Variants in TM9SF2 observed in about 807,000 individuals in gnomAD.
TM9SF2 encodes the protein 76 kDa membrane protein.
In TM9SF2, 13 loss-of-function variants were observed where a neutral mutation model predicts 84.9. The ratio of observed to expected loss-of-function variants is 0.15; its 90% confidence interval spans 0.10 to 0.24. TM9SF2 has a LOEUF of 0.24. Among genes scored for constraint, TM9SF2 ranks in the 10% least tolerant of loss-of-function variants. TM9SF2 has a pLI of 1.00. For synonymous variants in TM9SF2, 273 were observed against 285.8 expected, an observed-to-expected ratio of 0.96 and a Z score of 0.45; for missense variants, 562 against 818.5, an observed-to-expected ratio of 0.69 and a Z score of 3.82.
intron 5 of TM9SF2, 86 bp from the exon 6 acceptor site, chr13:99,537,653 A>C (rs532071615): frequency 7.7e-5 from 83 of 1,073,028 alleles, no homozygotes; most frequent in Non-Finnish European, 9.5e-5. Flanking sequence ...AAATTTTCTT[A>C]CTTGTTGTAG....
chr13:99,527,652 A>G (rs1458510738), intron 3 of TM9SF2, among the ~76,000 whole-genome samples: 3 of 152,206 alleles, frequency 2.0e-5, no homozygotes, highest in Non-Finnish European at 4.4e-5. Flanking sequence ...TGCATGGAGG[A>G]GAAGTCTTGC....
chr13:99,544,067 T>C, intron 10 of TM9SF2, 72 bp downstream of exon 10: 12 of 1,560,928 alleles, frequency 7.7e-6, no homozygotes, highest in Non-Finnish European at 9.6e-6. Flanking sequence ...AACCAGTTTT[T>C]CTGGCCGGGC....
intron 8 of TM9SF2, 119 bp downstream of exon 8, chr13:99,540,912 ATCCTGGCT>A: frequency 1.1e-6 from 1 of 877,672 alleles, no homozygotes; most frequent in Non-Finnish European, 1.7e-6. Context: ...TTGGGTTCAA[ATCCTGGCT>A]TTCAGCCACT....
intron 3 of TM9SF2, among the ~76,000 whole-genome samples, chr13:99,524,498 A>G (rs2046173776): frequency 6.6e-6 from 1 of 152,100 alleles, no homozygotes; most frequent in Non-Finnish European, 1.5e-5. Context: ...GTGTCCAAGC[A>G]GAGATGCTGA....
rs1177518681 is a variant in TM9SF2, at chr13:99,536,683, T to G, written c.537T>G (p.Pro179=). The change falls in exon 5 of 17, where the codon CCT becomes CCG. Residue 179 remains proline, a synonymous_variant. Coordinates refer to ENST00000376387, the MANE Select transcript of TM9SF2 (RefSeq NM_004800.3). Reference sequence around the variant, plus strand: ...AGAGGTTCTGTAATCCTGGATTTCCTATTGGCTGTTACATTACAGATAAAG... The same window carrying G: ...AGAGGTTCTGTAATCCTGGATTTCCGATTGGCTGTTACATTACAGATAAAG... ...DGQRFCNPGF[P]IGCYITDKGH... The G allele has an allele frequency of 1.2e-6, 2 of 1,613,840 alleles. No homozygotes were observed. Among genetic ancestry groups the G allele is most frequent in the South Asian group, 2.2e-5 (2 of 91,058 alleles).
intron 12 of TM9SF2, among the ~76,000 whole-genome samples, chr13:99,550,626 G>A (rs2046301880): frequency 1.3e-5 from 2 of 152,124 alleles, no homozygotes; most frequent in African/African-American, 4.8e-5. Flanking sequence ...CAGGGGCAGG[G>A]GGACTTGGTG....
chr13:99,501,523 C>A lies in TM9SF2; in HGVS notation c.-84C>A. The A allele has an allele frequency of 6.6e-7, 1 of 1,515,632 alleles. No homozygotes were observed. The highest frequency in any genetic ancestry group is 8.9e-7 in the Non-Finnish European group (1 of 1,124,612). The allele number at this position is 1,515,632 out of a possible 1,614,324, so 93.9% of individuals were successfully genotyped here. ...GGCCGGCTTCCTTTATCTCTGGCGG[C>A]CTTGTAGTCGTCTCCGAGACTCCCC... On this transcript the variant is annotated 5_prime_UTR_variant, in exon 1 of 17. Transcript: ENST00000376387.
At chr13:99,551,554 A>G (rs9669854) in intron 12 of TM9SF2, among the ~76,000 whole-genome samples, 3,777 of 152,302 alleles carry the variant, frequency 0.025, 164 homozygotes, top group African/African-American at 0.086. Context: ...CAAAGGATAA[A>G]AGGGAAAGTG....
chr13:99,546,799 A>T (rs966352337), intron 10 of TM9SF2, among the ~76,000 whole-genome samples, 186 bp from the exon 11 acceptor site: 1 of 152,178 alleles, frequency 6.6e-6, no homozygotes. Flanking sequence ...TGCCTCATGT[A>T]TGATCAGATT....
chr13:99,520,274 T>G, intron 3 of TM9SF2, 145 bp downstream of exon 3: 2 of 641,050 alleles, frequency 3.1e-6, no homozygotes, highest in Non-Finnish European at 5.2e-6. Context: ...AAAATCAAAG[T>G]TAGAAGGATC....
intron 14 of TM9SF2, 87 bp downstream of exon 14, chr13:99,554,542 T>G: frequency 1.4e-6 from 2 of 1,380,958 alleles, no homozygotes; most frequent in South Asian, 3.0e-5. Context: ...ACTATTTGTA[T>G]CCTGTAAATG....
intron 2 of TM9SF2, among the ~76,000 whole-genome samples, chr13:99,518,864 T>G (rs1026914041): frequency 6.6e-6 from 1 of 151,860 alleles, no homozygotes; most frequent in African/African-American, 2.4e-5. Context: ...TCCTTACACC[T>G]TGGCCTCCCA....
At chr13:99,513,202 C>T (rs1268750167) in intron 1 of TM9SF2, among the ~76,000 whole-genome samples, 1 of 152,150 alleles carries the variant, frequency 6.6e-6, no homozygotes, top group Admixed American at 6.5e-5. Context: ...TTATTCTATA[C>T]TTACATGAAA....
rs188735490 is a variant in TM9SF2 at position 99,563,756 on chromosome 13, C to T, written c.*998C>T. ...ACATTAGCAATCACTAGCAAGTCTT[C>T]ATCTTTATGATTTCATTGTTTTAAT... On this transcript the variant is annotated 3_prime_UTR_variant, in exon 17 of 17. Coordinates refer to ENST00000376387, the MANE Select transcript of TM9SF2 (RefSeq NM_004800.3). 6.6e-6 allele frequency: 1 copy of T among 152,320 alleles called. No individual in the cohort carries two copies. 9.4% of individuals were successfully genotyped at this position (152,320 alleles called of 1,614,324 possible).
At chr13:99,550,537 T>C (rs908555124) in intron 12 of TM9SF2, among the ~76,000 whole-genome samples, 2 of 152,204 alleles carry the variant, frequency 1.3e-5, no homozygotes, top group African/African-American at 2.4e-5. Flanking sequence ...AACCCTTCTC[T>C]GATTGATGTT....
At chr13:99,503,153 C>G (rs2046073985) in intron 1 of TM9SF2, among the ~76,000 whole-genome samples, 1 of 152,204 alleles carries the variant, frequency 6.6e-6, no homozygotes, top group African/African-American at 2.4e-5. Flanking sequence ...TGCAAGTACA[C>G]TGGTTTTTCC....
chr13:99,524,844 G>A (rs1224427711), intron 3 of TM9SF2, among the ~76,000 whole-genome samples: 7 of 151,986 alleles, frequency 4.6e-5, no homozygotes, highest in Admixed American at 2.6e-4. Flanking sequence ...AATTACAGGC[G>A]TGAGGCTCAG....
intron 2 of TM9SF2, among the ~76,000 whole-genome samples, chr13:99,518,822 C>T (rs1002938416): frequency 1.0e-4 from 15 of 147,908 alleles, no homozygotes; most frequent in African/African-American, 3.7e-4. Context: ...CTCTGTTGTC[C>T]AGGCTGTCCT....
intron 1 of TM9SF2, among the ~76,000 whole-genome samples, chr13:99,511,484 A>T (rs926971771): frequency 1.2e-4 from 19 of 152,206 alleles, no homozygotes; most frequent in African/African-American, 4.6e-4. Context: ...GTCTTGCTGC[A>T]AGAGTTGATA....
Sources: allele counts gnomAD v4.1 joint callset (sites outside exome capture counted in the v4.1 genomes callset), GRCh38; gene constraint gnomAD v4.1.1; transcripts MANE v1.5; gene names NCBI Gene and HGNC (gene_info 2026-07-23, HGNC 2026-07-21).